The following SLC6A4 variants were observed in gnomAD, a reference collection of about 807,000 sequenced individuals.
SLC6A4 encodes solute carrier family 6 member 4.
SLC6A4 carries 22 observed loss-of-function variants against 73.4 expected under a neutral mutation model. The ratio of observed to expected loss-of-function variants is 0.30; its 90% CI spans 0.21 to 0.43. SLC6A4 has a LOEUF of 0.43. Ranked by LOEUF, SLC6A4 falls within the 20% of genes least tolerant of loss-of-function variation. The probability of loss-of-function intolerance (pLI) is 1.00; values close to 1 mark genes in which losing one functional copy is unlikely to be tolerated. For missense variants in SLC6A4, 593 were observed against 808.5 expected (o/e 0.73, Z 3.23); for synonymous variants, 270 against 315.5 (o/e 0.86, Z 1.53).
chr17:30,207,233 G>A (rs1045328030), intron 13 of SLC6A4, among the ~76,000 whole-genome samples: 2 of 152,140 alleles, frequency 1.3e-5, no homozygotes, highest in African/African-American at 4.8e-5. Flanking sequence ...ATAGTGGCTG[G>A]GAGGGGGCAC....
chr17:30,203,216 A>G lies in SLC6A4; in HGVS notation c.1774T>C (p.Tyr592His). ...GTGATGATCAACCGATAAGCTATAT[A>G]TGTGGGGATGCAAATGAAAGATGAG... ...GTSSFICIPT[Y>H]IAYRLIITPG... The change falls in exon 14 of 15, where the codon TAT (tyrosine) becomes CAT (histidine). Residue 592 changes from tyrosine to histidine, a missense_variant. By Grantham distance (83) the Tyr-to-His change is moderately conservative. Transcript: ENST00000650711. The G allele has an allele frequency of 6.2e-7, 1 of 1,613,992 alleles. No homozygotes were observed. The highest frequency in any genetic ancestry group is 1.1e-5 in the South Asian group (1 of 91,080).
chr17:30,232,496 C>T (rs949256120), intron 1 of SLC6A4, among the ~76,000 whole-genome samples: 10 of 152,206 alleles, frequency 6.6e-5, no homozygotes, highest in Admixed American at 2.6e-4. Flanking sequence ...CCTTTTGCAG[C>T]CCAGGGGCTT....
chr17:30,234,685 C>T (rs1274793183), intron 1 of SLC6A4, among the ~76,000 whole-genome samples: 2 of 152,168 alleles, frequency 1.3e-5, no homozygotes, highest in African/African-American at 4.8e-5. Flanking sequence ...TATTTGCTCT[C>T]GTCTTCCTAT....
intron 14 of SLC6A4, among the ~76,000 whole-genome samples, chr17:30,199,674 C>T (rs1414245386): frequency 1.3e-5 from 2 of 152,064 alleles, no homozygotes; most frequent in Non-Finnish European, 2.9e-5. Context: ...TATCTGTGTA[C>T]TGAACTTTCA....
At chr17:30,209,731 C>T (rs1422615688) in intron 11 of SLC6A4, among the ~76,000 whole-genome samples, 5 of 152,156 alleles carry the variant, frequency 3.3e-5, no homozygotes, top group East Asian at 3.9e-4. Context: ...CCCACTCAGA[C>T]GCCTCTTCCC....
At chr17:30,228,804 A>G (rs1308373627) in intron 1 of SLC6A4, among the ~76,000 whole-genome samples, 4 of 152,182 alleles carry the variant, frequency 2.6e-5, no homozygotes, top group African/African-American at 9.7e-5. Context: ...GTCACTCGCC[A>G]TTGATTACCA....
At chr17:30,230,189 T>G (rs1907070940) in intron 1 of SLC6A4, among the ~76,000 whole-genome samples, 1 of 151,788 alleles carries the variant, frequency 6.6e-6, no homozygotes, top group Admixed American at 6.6e-5. Flanking sequence ...TGACATGAAT[T>G]GCTTGTGACA....
At position 30,210,320 on chromosome 17, in the gene SLC6A4, C is replaced by T. The variant is rs1328628589; in HGVS notation, c.1449+195G>A. Among the ~76,000 whole-genome samples the T allele has an allele frequency of 3.3e-5, 5 of 152,270 alleles. No homozygotes were observed. In the East Asian group the frequency reaches 7.7e-4, roughly 24 times the overall value. ...GCTGACAGCCCCTGGATACTATGCACGGAATCTGCAAGTAGATGCACAAGA... is the reference window on the plus strand; with the variant it reads ...GCTGACAGCCCCTGGATACTATGCATGGAATCTGCAAGTAGATGCACAAGA... On this transcript the variant is annotated intron_variant, in intron 11 of 14. Coordinates refer to ENST00000650711, the MANE Select transcript of SLC6A4 (RefSeq NM_001045.6).
chr17:30,203,993 T>C (rs554128531), intron 13 of SLC6A4, among the ~76,000 whole-genome samples: 6 of 152,346 alleles, frequency 3.9e-5, no homozygotes, highest in African/African-American at 1.4e-4. Flanking sequence ...CCACTAGGCA[T>C]CTCAACAATG....
rs534823586 is a variant in SLC6A4 at position 30,212,584 on chromosome 17, A to G, written c.1204+156T>C. 4.6e-5 allele frequency among the ~76,000 whole-genome samples: 7 copies of G among 152,204 alleles called. No individual in the cohort carries two copies. The South Asian group carries it at 1.2e-3, about 27-fold the overall frequency. On this transcript the variant is annotated intron_variant, in intron 9 of 14. Coordinates refer to ENST00000650711, the MANE Select transcript of SLC6A4 (RefSeq NM_001045.6). The stretch of plus-strand genomic sequence containing the variant: ...TTTTTTATAGAGGCAGGGTCTCACT[A>G]TGTTGCCCAGGCTGGTCTTGAACTC...
At chr17:30,216,046 G>C in intron 7 of SLC6A4, 36 bp downstream of exon 7, 3 of 1,594,204 alleles carry the variant, frequency 1.9e-6, no homozygotes, top group Non-Finnish European at 2.6e-6. Flanking sequence ...TTAGTAAAAT[G>C]ACAGACAGGT....
intron 1 of SLC6A4, among the ~76,000 whole-genome samples, chr17:30,233,492 A>T (rs922458201): frequency 6.6e-6 from 1 of 152,154 alleles, no homozygotes; most frequent in African/African-American, 2.4e-5. Context: ...TTTGAAGGTG[A>T]TATCTGGGTA....
At position 30,216,208 on chromosome 17, in the gene SLC6A4, C is replaced by G. The variant is rs1567819503; in HGVS notation, c.846G>C (p.Trp282Cys). Residue 282 changes from tryptophan to cysteine, a missense_variant, in exon 7 of 15, where the codon TGG becomes TGC. By Grantham distance (215) the Trp-to-Cys change is radical. Transcript: ENST00000650711. ...TGATATAAGGGAAGGTGGCTGTCACCCACACCACCTGTAAGGAAGAAGGGT... is the reference window on the plus strand; with the variant it reads ...TGATATAAGGGAAGGTGGCTGTCACGCACACCACCTGTAAGGAAGAAGGGT... ...KGVKTSGKVVWVTATFPYIIL... is the reference protein window; with the variant it reads ...KGVKTSGKVVCVTATFPYIIL... 6.2e-7 allele frequency: 1 copy of G among 1,609,560 alleles called. No individual in the cohort carries two copies. The highest frequency in any genetic ancestry group is 2.2e-5 in the East Asian group (1 of 44,658).
chr17:30,234,941 T>G (rs55673937), intron 1 of SLC6A4, among the ~76,000 whole-genome samples: 1,600 of 152,286 alleles, frequency 0.011, 38 homozygotes, highest in African/African-American at 0.037. Context: ...GAGAGCTTTT[T>G]TTCAAGAACA....
At chr17:30,231,588 G>C (rs1907118316) in intron 1 of SLC6A4, among the ~76,000 whole-genome samples, 1 of 151,980 alleles carries the variant, frequency 6.6e-6, no homozygotes. Flanking sequence ...TACTGCATAT[G>C]CAAAAATTAG....
In SLC6A4 at chr17:30,218,924, GA is replaced by G; in HGVS notation, c.350del (p.Phe117SerfsTer145). ...TGGCCATGATGGTGTAGGGGAGGAG[GA>G]ATGCCCCTGAGGCAGATGAAAGACA... Reference protein sequence around the residue: ...YICYQNGGGAFLLPYTIMAIF... With the variant: ...YICYQNGGGAXLLPYTIMAIF... On this transcript the variant is annotated frameshift_variant, in exon 4 of 15. Transcript: ENST00000650711. LOFTEE classifies it high-confidence loss of function. 6.2e-7 allele frequency: 1 copy of G among 1,614,072 alleles called. No individual in the cohort carries two copies. The highest frequency in any genetic ancestry group is 8.5e-7 in the Non-Finnish European group (1 of 1,180,024).
chr17:30,224,914 C>T (rs1906884420), intron 1 of SLC6A4, among the ~76,000 whole-genome samples: 1 of 152,208 alleles, frequency 6.6e-6, no homozygotes, highest in Non-Finnish European at 1.5e-5. Flanking sequence ...CTATGGTAAG[C>T]AGCTCCTGGA....
chr17:30,222,120 G>A, intron 2 of SLC6A4, 39 bp from the exon 3 acceptor site: 1 of 1,360,008 alleles, frequency 7.4e-7, no homozygotes, highest in South Asian at 1.3e-5. Context: ...AAAAAAGTTA[G>A]ACATTTTACT....
intron 12 of SLC6A4, 61 bp downstream of exon 12, chr17:30,209,081 CT>C (rs1271454417): frequency 8.5e-7 from 1 of 1,178,038 alleles, no homozygotes; most frequent in Non-Finnish European, 1.3e-6. Context: ...GAAATCAGCC[CT>C]TTGCTACTGT....
Sources: gnomAD v4.1 joint callset for allele counts (sites outside exome capture counted in the v4.1 genomes callset) on GRCh38, gnomAD v4.1.1 for gene constraint, MANE v1.5 for transcripts, NCBI Gene and HGNC (gene_info 2026-07-23, HGNC 2026-07-21) for gene names.